Variants in OXCT1 observed in about 807,000 individuals in gnomAD.
OXCT1 encodes the protein succinyl-CoA:3-ketoacid coenzyme A transferase 1, mitochondrial.
Under a neutral mutation model 69.6 loss-of-function variants are expected in OXCT1, and 27 were observed. The observed-to-expected ratio is 0.39, with a 90% CI of 0.29 to 0.54. OXCT1 has a LOEUF of 0.54. Among genes scored for constraint, OXCT1 ranks in the 20% least tolerant of loss-of-function variants. OXCT1 has a pLI of 0.72. For missense variants in OXCT1, 437 were observed against 650.2 expected (o/e 0.67, Z 3.57); for synonymous variants, 202 against 217.8 (o/e 0.93, Z 0.64).
Position 41,783,606 on chromosome 5 carries a change from T to G in OXCT1, c.1248+10397A>C, listed in dbSNP as rs1022788276. Among the ~76,000 whole-genome samples the G allele has an allele frequency of 3.9e-5, 6 of 152,226 alleles. No individual in the cohort carries two copies. In the East Asian group the frequency reaches 1.2e-3, roughly 29 times the overall value. On this transcript the variant is annotated intron_variant, in intron 13 of 16. Transcript: ENST00000196371. ...AAATATCAAACTCATTCATTGTTCA[T>G]GAGAGAGACAGAGATCGACTGATTC...
intron 11 of OXCT1, 143 bp from the exon 12 acceptor site, chr5:41,794,892 C>A: frequency 1.3e-6 from 1 of 780,112 alleles, no homozygotes; most frequent in Non-Finnish European, 2.1e-6. Context: ...GGTGGGGGGA[C>A]ACAGTAGGAA....
At chr5:41,865,279 T>C (rs968007965) in intron 1 of OXCT1, among the ~76,000 whole-genome samples, 3 of 152,188 alleles carry the variant, frequency 2.0e-5, no homozygotes, top group African/African-American at 7.2e-5. Flanking sequence ...TGTCAAGAAT[T>C]CTATTTTTTT....
At position 41,792,472 on chromosome 5, in the gene OXCT1, TAG is replaced by T. The variant is rs566346794; in HGVS notation, c.1248+1529_1248+1530del. 1.9e-3 allele frequency among the ~76,000 whole-genome samples: 284 copies of T among 152,326 alleles called. 1 individual carries two copies. The highest frequency in any genetic ancestry group is 7.7e-3 in the South Asian group (37 of 4,830). On this transcript the variant is annotated intron_variant, in intron 13 of 16. Coordinates refer to ENST00000196371, the MANE Select transcript of OXCT1 (RefSeq NM_000436.4). Reference sequence around the variant, plus strand: ...TTCAACATCACACCTTGATTACTGGTAGAGTCAGTGCTAAAACCCAGGGCTTG... The same window carrying T: ...TTCAACATCACACCTTGATTACTGGTAGTCAGTGCTAAAACCCAGGGCTTG...
intron 13 of OXCT1, among the ~76,000 whole-genome samples, chr5:41,785,774 G>A (rs1745611941): frequency 6.6e-6 from 1 of 152,140 alleles, no homozygotes; most frequent in African/African-American, 2.4e-5. Context: ...ATACAGTATA[G>A]GAATAGCAAA....
At chr5:41,797,384 G>A (rs776940158) in intron 11 of OXCT1, among the ~76,000 whole-genome samples, 3 of 152,110 alleles carry the variant, frequency 2.0e-5, no homozygotes, top group Non-Finnish European at 4.4e-5. Context: ...TTGAAGCAAG[G>A]TTAATTTTCA....
At chr5:41,738,544 T>G (rs2111990722) in intron 16 of OXCT1, among the ~76,000 whole-genome samples, 1 of 152,354 alleles carries the variant, frequency 6.6e-6, no homozygotes, top group South Asian at 2.1e-4. Context: ...CCCAGCCATG[T>G]GGACCTGAGT....
chr5:41,862,837 A>T, intron 1 of OXCT1, 87 bp from the exon 2 acceptor site: 1 of 785,042 alleles, frequency 1.3e-6, no homozygotes, highest in Non-Finnish European at 2.2e-6. Flanking sequence ...TTGATAGACA[A>T]ATGATAATTT....
At chr5:41,739,016 T>C (rs1743024838) in intron 16 of OXCT1, among the ~76,000 whole-genome samples, 1 of 152,200 alleles carries the variant, frequency 6.6e-6, no homozygotes, top group Non-Finnish European at 1.5e-5. Context: ...GAAGTATCAT[T>C]TCTCCATATG....
chr5:41,802,278 T>C (rs1413194100), intron 10 of OXCT1, among the ~76,000 whole-genome samples: 1 of 152,156 alleles, frequency 6.6e-6, no homozygotes, highest in Non-Finnish European at 1.5e-5. Flanking sequence ...ATTTTCCATA[T>C]GCATAATTTC....
At chr5:41,794,381 GA>G in intron 12 of OXCT1, 1 of 593,726 alleles carries the variant, frequency 1.7e-6, no homozygotes, top group East Asian at 2.8e-5. Context: ...GCTAGAAAGT[GA>G]ACACAGTTTG....
chr5:41,849,948 A>T, intron 5 of OXCT1, 82 bp downstream of exon 5: 1 of 1,371,888 alleles, frequency 7.3e-7, no homozygotes, highest in Non-Finnish European at 1.0e-6. Context: ...AGGTGATTTT[A>T]TACTTATTTG....
chr5:41,814,044 CA>C (rs1747112646), intron 7 of OXCT1, among the ~76,000 whole-genome samples: 1 of 151,896 alleles, frequency 6.6e-6, no homozygotes, highest in Non-Finnish European at 1.5e-5. Context: ...ACAGTTCTAC[CA>C]TTCCTTTTCA....
At chr5:41,756,172 T>C (rs957806931) in intron 14 of OXCT1, among the ~76,000 whole-genome samples, 11 of 152,100 alleles carry the variant, frequency 7.2e-5, no homozygotes, top group Non-Finnish European at 1.0e-4. Context: ...TCTAAACCTG[T>C]TTTAGTAATA....
intron 6 of OXCT1, 104 bp downstream of exon 6, chr5:41,842,571 A>C: frequency 2.4e-6 from 2 of 842,214 alleles, no homozygotes; most frequent in Non-Finnish European, 4.2e-6. Context: ...GGCATGTATG[A>C]TTTTGGGCCA....
rs567675367 is a variant in OXCT1 at position 41,801,472 on chromosome 5, T to A, written c.1051-402A>T. On this transcript the variant is annotated intron_variant, in intron 10 of 16. Coordinates refer to ENST00000196371, the MANE Select transcript of OXCT1 (RefSeq NM_000436.4). Reference sequence around the variant, plus strand: ...ATTTTGGGAGGCTGAAGCAGGAGGATCACTTGAGGCCAGTTCAAAACCAGG... The same window carrying A: ...ATTTTGGGAGGCTGAAGCAGGAGGAACACTTGAGGCCAGTTCAAAACCAGG... 2.6e-5 allele frequency among the ~76,000 whole-genome samples: 4 copies of A among 152,210 alleles called. 1 individual carries two copies. In the East Asian group the frequency reaches 7.8e-4, roughly 29 times the overall value.
intron 16 of OXCT1, among the ~76,000 whole-genome samples, chr5:41,737,655 C>T (rs1192054217): frequency 6.6e-6 from 1 of 152,170 alleles, no homozygotes; most frequent in Non-Finnish European, 1.5e-5. Flanking sequence ...TGGGAGACTT[C>T]TTTTTCCAAA....
intron 7 of OXCT1, among the ~76,000 whole-genome samples, chr5:41,839,708 G>A (rs1203217142): frequency 6.6e-6 from 1 of 152,138 alleles, no homozygotes; most frequent in Non-Finnish European, 1.5e-5. Flanking sequence ...CTGCCATCAT[G>A]AGAAAAATCA....
intron 12 of OXCT1, 70 bp downstream of exon 12, chr5:41,794,607 T>G: frequency 7.2e-7 from 1 of 1,391,438 alleles, no homozygotes; most frequent in Non-Finnish European, 1.0e-6. Context: ...AGAGCCTTGC[T>G]AACACACTCA....
intron 5 of OXCT1, among the ~76,000 whole-genome samples, chr5:41,846,135 T>A (rs1326815331): frequency 6.6e-6 from 1 of 151,766 alleles, no homozygotes; most frequent in East Asian, 1.9e-4. Context: ...TATTTATTTA[T>A]TTATTATTAT....
Sources: gnomAD v4.1 joint callset for allele counts (sites outside exome capture counted in the v4.1 genomes callset) on GRCh38, gnomAD v4.1.1 for gene constraint, MANE v1.5 for transcripts, NCBI Gene and HGNC (gene_info 2026-07-23, HGNC 2026-07-21) for gene names.